Variants in BPI observed in about 807,000 individuals in gnomAD.
The protein encoded by BPI is bactericidal permeability-increasing protein.
BPI carries 48 observed loss-of-function variants against 57.6 expected under a neutral mutation model. The observed-to-expected ratio is 0.83, with a 90% CI of 0.66 to 1.06. The LOEUF (loss-of-function observed/expected upper bound fraction) is 1.06. Among genes scored for constraint, BPI ranks in the 50% least tolerant of loss-of-function variants. BPI has a pLI of 0.00. For missense variants in BPI, 651 were observed against 609.7 expected (o/e 1.07, Z -0.71); for synonymous variants, 237 against 238.2 (o/e 0.99, Z 0.05).
intron 12 of BPI, 38 bp downstream of exon 12, chr20:38,331,128 G>A (rs757906470): frequency 1.9e-6 from 3 of 1,603,276 alleles, no homozygotes; most frequent in Admixed American, 3.3e-5. Flanking sequence ...TCCTCCTTCT[G>A]ACCTGGCGGC....
chr20:38,310,612 A>T lies in BPI; in HGVS notation c.496A>T (p.Ile166Phe). 6.2e-7 allele frequency: 1 copy of T among 1,614,138 alleles called. No homozygotes were observed. The highest frequency in any genetic ancestry group is 8.5e-7 in the Non-Finnish European group (1 of 1,179,996). Reference protein sequence around the residue: ...TITCSSCSSHINSVHVHISKS... With the variant: ...TITCSSCSSHFNSVHVHISKS... ...CACCTGCTCCAGCTGCAGCAGCCAC[A>T]TCAACAGTGTCCACGTGCACATCTC... is the stretch of plus-strand genomic sequence containing the variant. Residue 166 changes from isoleucine (I) to phenylalanine (F), a missense_variant, in exon 4 of 15, where the codon ATC becomes TTC. Ile to Phe is a conservative substitution (Grantham distance 21). Coordinates refer to ENST00000642449, the MANE Select transcript of BPI (RefSeq NM_001725.3).
Position 38,311,871 on chromosome 20 carries a change from T to C in BPI, c.537-3T>C. 1.2e-6 allele frequency: 2 copies of C among 1,613,882 alleles called. No individual in the cohort carries two copies. Among genetic ancestry groups the C allele is most frequent in the South Asian group, 1.1e-5 (1 of 91,058 alleles). Reference sequence around the variant, plus strand: ...ATCTATGTCCCTACTTGTTCATCTCTAGGTGGCTGATCCAACTCTTCCACA... The same window carrying C: ...ATCTATGTCCCTACTTGTTCATCTCCAGGTGGCTGATCCAACTCTTCCACA... On this transcript the variant is annotated splice_polypyrimidine_tract_variant and splice_region_variant and intron_variant, in intron 4 of 14. Coordinates refer to ENST00000642449, the MANE Select transcript of BPI (RefSeq NM_001725.3).
chr20:38,320,600 C>T (rs925996656), intron 7 of BPI, among the ~76,000 whole-genome samples: 2 of 151,452 alleles, frequency 1.3e-5, no homozygotes, highest in African/African-American at 4.9e-5. Context: ...GAGAGACCTT[C>T]CCAGACCACT....
chr20:38,326,561 C>T, intron 10 of BPI, 129 bp downstream of exon 10: 2 of 1,166,744 alleles, frequency 1.7e-6, no homozygotes, highest in Non-Finnish European at 2.3e-6. Context: ...GAGCCTGAGG[C>T]TTGAGTCACT....
chr20:38,316,700 C>A (rs1045554300), intron 5 of BPI, among the ~76,000 whole-genome samples: 2 of 152,146 alleles, frequency 1.3e-5, no homozygotes, highest in African/African-American at 4.8e-5. Flanking sequence ...GGGGAGCACA[C>A]CTCAGAATTG....
intron 7 of BPI, among the ~76,000 whole-genome samples, chr20:38,320,529 C>A (rs1370491795): frequency 6.6e-6 from 1 of 151,908 alleles, no homozygotes; most frequent in Non-Finnish European, 1.5e-5. Flanking sequence ...TACTCTCCCC[C>A]AGGTTTCCAC....
intron 6 of BPI, among the ~76,000 whole-genome samples, chr20:38,319,424 A>G (rs970913684): frequency 6.6e-6 from 1 of 152,212 alleles, no homozygotes; most frequent in African/African-American, 2.4e-5. Context: ...AAAGCCTGGC[A>G]TGGTTGGCAC....
rs1462257928 is a variant in BPI at position 38,311,879 on chromosome 20, T to C, written c.542T>C (p.Leu181Pro). Residue 181 changes from leucine to proline, a missense_variant, in exon 5 of 15, where the codon CTG becomes CCG. By Grantham distance (98) the Leu-to-Pro change is moderately conservative. Transcript: ENST00000642449. ...VHISKSKVGWLIQLFHKKIES... is the reference protein window; with the variant it reads ...VHISKSKVGWPIQLFHKKIES... The stretch of plus-strand genomic sequence containing the variant: ...CCCTACTTGTTCATCTCTAGGTGGC[T>C]GATCCAACTCTTCCACAAAAAAATT... 6.2e-7 allele frequency: 1 copy of C among 1,613,922 alleles called. No individual in the cohort carries two copies. The highest frequency in any genetic ancestry group is 1.3e-5 in the African/African-American group (1 of 74,896).
At chr20:38,320,700 A>C (rs1051375341) in intron 7 of BPI, among the ~76,000 whole-genome samples, 1 of 151,458 alleles carries the variant, frequency 6.6e-6, no homozygotes, top group African/African-American at 2.4e-5. Context: ...ACACACACAG[A>C]GTCTCTAGTC....
chr20:38,306,263 G>A (rs1393765245), intron 1 of BPI, among the ~76,000 whole-genome samples: 1 of 152,166 alleles, frequency 6.6e-6, no homozygotes, highest in South Asian at 2.1e-4. Context: ...TTGAACTCTT[G>A]ACCTAAAGTG....
At chr20:38,320,699 G>A (rs1007222549) in intron 7 of BPI, among the ~76,000 whole-genome samples, 1 of 84,040 alleles carries the variant, frequency 1.2e-5, no homozygotes, top group Non-Finnish European at 2.5e-5. Context: ...CACACACACA[G>A]AGTCTCTAGT....
At position 38,337,193 on chromosome 20, in the gene BPI, G is replaced by A; in HGVS notation, c.*9G>A. The A allele has an allele frequency of 6.3e-7, 1 of 1,584,516 alleles. No homozygotes were observed. On this transcript the variant is annotated 3_prime_UTR_variant, in exon 15 of 15. Transcript: ENST00000642449. ...ACGTTGTCTATAAATGAAGGCACCA[G>A]GGGTGCCGGGGGCTGTCAGCCACAC...
intron 3 of BPI, 98 bp from the exon 4 acceptor site, chr20:38,310,393 G>A: frequency 2.8e-6 from 4 of 1,415,484 alleles, no homozygotes; most frequent in Non-Finnish European, 3.9e-6. Context: ...CACCTGGAGT[G>A]GGGATAATAA....
chr20:38,326,120 T>C, intron 9 of BPI, 145 bp from the exon 10 acceptor site: 3 of 868,354 alleles, frequency 3.5e-6, no homozygotes, highest in Non-Finnish European at 5.1e-6. Flanking sequence ...GGGTGCCAGC[T>C]GGCAGACTGT....
At chr20:38,335,734 T>G in intron 14 of BPI, 60 bp downstream of exon 14, 1 of 1,509,036 alleles carries the variant, frequency 6.6e-7, no homozygotes. Flanking sequence ...CAGCAGCCTA[T>G]GGCTGCAATG....
chr20:38,310,579 C>G lies in BPI; in HGVS notation c.463C>G (p.Pro155Ala). The G allele has an allele frequency of 6.2e-7, 1 of 1,614,204 alleles. No homozygotes were observed. The highest frequency in any genetic ancestry group is 1.1e-5 in the South Asian group (1 of 91,062). ...GGGCAGTAACCCCACGTCAGGCAAG[C>G]CCACCATCACCTGCTCCAGCTGCAG... Reference protein sequence around the residue: ...KLGSNPTSGKPTITCSSCSSH... With the variant: ...KLGSNPTSGKATITCSSCSSH... The change falls in exon 4 of 15, where the codon CCC becomes GCC. Residue 155 changes from proline to alanine, a missense_variant. Physicochemically the swap from Pro to Ala is conservative, Grantham distance 27. Coordinates refer to ENST00000642449, the MANE Select transcript of BPI (RefSeq NM_001725.3).
At position 38,311,897 on chromosome 20, in the gene BPI, A is replaced by G. The variant is rs1157346492; in HGVS notation, c.560A>G (p.Lys187Arg). 6.2e-7 allele frequency: 1 copy of G among 1,614,046 alleles called. No homozygotes were observed. The highest frequency in any genetic ancestry group is 8.5e-7 in the Non-Finnish European group (1 of 1,179,994). The change falls in exon 5 of 15, where the codon AAA becomes AGA. Residue 187 changes from lysine to arginine, a missense_variant. Coordinates refer to ENST00000642449, the MANE Select transcript of BPI (RefSeq NM_001725.3). ...KVGWLIQLFH[K>R]KIESALRNKM... ...AGGTGGCTGATCCAACTCTTCCACA[A>G]AAAAATTGAGTCTGCGCTTCGAAAC...
intron 5 of BPI, chr20:38,317,691 G>A: frequency 1.2e-6 from 1 of 854,646 alleles, no homozygotes; most frequent in Non-Finnish European, 2.0e-6. Flanking sequence ...TCTCTTGGTG[G>A]GGGTGTGGCA....
Position 38,324,058 on chromosome 20 carries a change from C to G in BPI, c.933+12C>G. 6.2e-7 allele frequency: 1 copy of G among 1,612,750 alleles called. No individual in the cohort carries two copies. The highest frequency in any genetic ancestry group is 8.5e-7 in the Non-Finnish European group (1 of 1,179,698). On this transcript the variant is annotated intron_variant, in intron 8 of 14. Transcript: ENST00000642449. ...TTAGAGATGACATGGTAAGGCCGGGCTCTGGGTGGGTGTGGGAAGAGCACT... is the reference window on the plus strand; with the variant it reads ...TTAGAGATGACATGGTAAGGCCGGGGTCTGGGTGGGTGTGGGAAGAGCACT...
Sources: gnomAD v4.1 joint callset for allele counts (sites outside exome capture counted in the v4.1 genomes callset) on GRCh38, gnomAD v4.1.1 for gene constraint, MANE v1.5 for transcripts, NCBI Gene and HGNC (gene_info 2026-07-23, HGNC 2026-07-21) for gene names.